Variants in DRG2 observed in about 807,000 individuals in gnomAD.
DRG2 encodes the protein developmentally-regulated GTP-binding protein 2.
In DRG2, 36 loss-of-function variants were observed where a neutral mutation model predicts 53.4. That is an observed-to-expected ratio of 0.67 (90% confidence interval 0.52 to 0.89). The LOEUF (loss-of-function observed/expected upper bound fraction) is 0.89. Among genes scored for constraint, DRG2 ranks in the 40% least tolerant of loss-of-function variants. The pLI is 0.00. For synonymous variants in DRG2, 167 were observed against 192.1 expected, an observed-to-expected ratio of 0.87 and a Z score of 1.08; for missense variants, 342 against 481.2, an observed-to-expected ratio of 0.71 and a Z score of 2.71.
chr17:18,102,265 G>A (rs1470788197), intron 9 of DRG2, among the ~76,000 whole-genome samples: 1 of 152,312 alleles, frequency 6.6e-6, no homozygotes. Context: ...GGTGGGTGAC[G>A]TCTTGTGGGC....
At chr17:18,104,927 A>G (rs2045601817) in intron 11 of DRG2, among the ~76,000 whole-genome samples, 1 of 152,190 alleles carries the variant, frequency 6.6e-6, no homozygotes, top group Non-Finnish European at 1.5e-5. Flanking sequence ...TCAGGAGGAC[A>G]CGTTGAATGA....
In DRG2 at chr17:18,099,697, G is replaced by A. The variant is rs757182096; in HGVS notation, c.441G>A (p.Leu147=). ...ARTADVIIMM[L]DATKGEVQRS... ...CGGCTGACGTCATCATCATGATGCT[G>A]GATGCCACCAAGGGAGAGGTGCAGA... Residue 147 remains leucine, a synonymous_variant, in exon 5 of 13, where the codon CTG becomes CTA. Transcript: ENST00000225729. This position sits in a 1 kb window ranked among gnomAD's most constrained non-coding sequence, Gnocchi z 4.4. The A allele has an allele frequency of 1.9e-6, 3 of 1,606,748 alleles. No homozygotes were observed. The highest frequency in any genetic ancestry group is 2.5e-6 in the Non-Finnish European group (3 of 1,177,464).
intron 9 of DRG2, among the ~76,000 whole-genome samples, chr17:18,102,392 G>T (rs939460864): frequency 2.0e-5 from 3 of 152,182 alleles, no homozygotes; most frequent in African/African-American, 7.2e-5. Context: ...GGGGGCTGTG[G>T]CGGGTGGATC....
In DRG2 at chr17:18,107,426, C is replaced by G; in HGVS notation, c.*186C>G. ...AAGAGTGTGTTGGGGCAAAGGGGCT[C>G]GGTTGGAGGCATTTCCCATAAGACT... On this transcript the variant is annotated 3_prime_UTR_variant, in exon 13 of 13. Coordinates refer to ENST00000225729, the MANE Select transcript of DRG2 (RefSeq NM_001388.5). 1.6e-6 allele frequency: 1 copy of G among 624,708 alleles called. No homozygotes were observed. The highest frequency in any genetic ancestry group is 2.7e-5 in the Admixed American group (1 of 36,802). 38.7% of individuals were successfully genotyped at this position (624,708 alleles called of 1,614,324 possible).
rs1332563142 is a variant in DRG2, at chr17:18,103,495, A to G, written c.807-306A>G. The stretch of plus-strand genomic sequence containing the variant: ...CCTAGCCTTTGCCCATGGTCCCGTC[A>G]CAGCCCCCGGCCATCTCGCCATGGC... On this transcript the variant is annotated intron_variant, in intron 9 of 12. Coordinates refer to ENST00000225729, the MANE Select transcript of DRG2 (RefSeq NM_001388.5). The surrounding 1 kb of genome is among the most constrained non-coding windows in gnomAD (Gnocchi z 4.4). Among the ~76,000 whole-genome samples the G allele has an allele frequency of 1.3e-5, 2 of 152,112 alleles. No individual in the cohort carries two copies. Among genetic ancestry groups the G allele is most frequent in the African/African-American group, 2.4e-5 (1 of 41,420 alleles).
intron 11 of DRG2, chr17:18,106,121 C>G: frequency 2.3e-6 from 1 of 428,878 alleles, no homozygotes; most frequent in Non-Finnish European, 4.4e-6. Flanking sequence ...AGCATCTGTT[C>G]AGGCAAGGCA....
At position 18,089,621 on chromosome 17, in the gene DRG2, A is replaced by G. The variant is rs2045278319; in HGVS notation, c.64+1534A>G. The stretch of plus-strand genomic sequence containing the variant: ...AGACAAACCAGGGTGATACAGCAGA[A>G]TATTGGGGGTGGGGAGGGACTGGGG... On this transcript the variant is annotated intron_variant, in intron 1 of 12. Transcript: ENST00000225729. Among the ~76,000 whole-genome samples, 4 of 152,238 alleles carry G rather than the reference A, an allele frequency of 2.6e-5. No individual in the cohort carries two copies. The South Asian group carries it at 8.3e-4, about 32-fold the overall frequency.
chr17:18,094,516 A>G (rs1024524840), intron 2 of DRG2, among the ~76,000 whole-genome samples: 2 of 152,098 alleles, frequency 1.3e-5, no homozygotes, highest in African/African-American at 2.4e-5. Flanking sequence ...AGACAGAGGG[A>G]ACAGTGAGCA....
At chr17:18,101,847 C>G (rs957224767) in intron 8 of DRG2, 74 bp from the exon 9 acceptor site, 11 of 1,494,588 alleles carry the variant, frequency 7.4e-6, no homozygotes, top group Admixed American at 3.8e-5. Flanking sequence ...GCAGCCGGCA[C>G]AGGGCGATGG....
chr17:18,101,435 C>T (rs982230280), intron 7 of DRG2, 58 bp from the exon 8 acceptor site: 31 of 1,561,176 alleles, frequency 2.0e-5, no homozygotes, highest in East Asian at 4.5e-5. Flanking sequence ...TGGGGCCCTC[C>T]GCTGATGGGG....
rs966811880 is a variant in DRG2, at chr17:18,103,226, G to A, written c.807-575G>A. ...CTCTACAGAGGTCAGGACACAGCTC[G>A]GGGTCACGGCGCAAACCTTCAAGCC... On this transcript the variant is annotated intron_variant, in intron 9 of 12. Transcript: ENST00000225729. This position sits in a 1 kb window ranked among gnomAD's most constrained non-coding sequence, Gnocchi z 4.4. Among the ~76,000 whole-genome samples, 11 of 152,112 alleles carry A rather than the reference G, an allele frequency of 7.2e-5. No individual in the cohort carries two copies.
chr17:18,089,517 G>A (rs995520300), intron 1 of DRG2, among the ~76,000 whole-genome samples: 3 of 152,148 alleles, frequency 2.0e-5, no homozygotes, highest in African/African-American at 7.2e-5. Context: ...CCAGCCCTTG[G>A]ATCTGATCTT....
In DRG2 at chr17:18,099,187, G is replaced by A. The variant is rs936991108; in HGVS notation, c.376+110G>A. On this transcript the variant is annotated intron_variant, in intron 4 of 12. Coordinates refer to ENST00000225729, the MANE Select transcript of DRG2 (RefSeq NM_001388.5). This position sits in a 1 kb window ranked among gnomAD's most constrained non-coding sequence, Gnocchi z 4.4. ...CTCTGGATCCCTGGTCCATTATCCC[G>A]CTTTCCAGAAAAGACAGGTTCCAGT... 1.3e-5 allele frequency: 19 copies of A among 1,426,500 alleles called. No homozygotes were observed. The highest frequency in any genetic ancestry group is 5.7e-5 in the Admixed American group (3 of 52,772). The allele number at this position is 1,426,500 out of a possible 1,614,324, so 88.4% of individuals were successfully genotyped here.
At chr17:18,088,504 G>C (rs1474545212) in intron 1 of DRG2, among the ~76,000 whole-genome samples, 1 of 152,234 alleles carries the variant, frequency 6.6e-6, no homozygotes, top group Non-Finnish European at 1.5e-5. Context: ...GCCCATTGGA[G>C]CAAGGGAATC....
At chr17:18,096,440 T>C (rs756402390) in intron 2 of DRG2, 1 of 152,230 alleles carries the variant, frequency 6.6e-6, no homozygotes, top group Non-Finnish European at 1.5e-5. Flanking sequence ...CCATACCATG[T>C]TCTTTTGCTG....
intron 2 of DRG2, chr17:18,097,461 G>C (rs1337229053): frequency 6.6e-6 from 1 of 152,370 alleles, no homozygotes; most frequent in African/African-American, 2.4e-5. Context: ...GGATGGGGCA[G>C]GAGGCATGGG....
rs2045667718 is a variant in DRG2 at position 18,107,678 on chromosome 17, G to A, written c.*438G>A. 5.0e-6 allele frequency: 1 copy of A among 199,588 alleles called. No individual in the cohort carries two copies. Among genetic ancestry groups the A allele is most frequent in the African/African-American group, 2.3e-5 (1 of 43,674 alleles). 12.4% of individuals were successfully genotyped at this position (199,588 alleles called of 1,614,324 possible). ...CTCTTGCCAGCTTCTCTGACACTTGGGTTGGGGGCCCTTCCAGGAGGAAAC... is the reference window on the plus strand; with the variant it reads ...CTCTTGCCAGCTTCTCTGACACTTGAGTTGGGGGCCCTTCCAGGAGGAAAC... On this transcript the variant is annotated 3_prime_UTR_variant, in exon 13 of 13. Coordinates refer to ENST00000225729, the MANE Select transcript of DRG2 (RefSeq NM_001388.5).
At chr17:18,104,092 C>A (rs2045585301) in intron 10 of DRG2, among the ~76,000 whole-genome samples, 1 of 152,192 alleles carries the variant, frequency 6.6e-6, no homozygotes. Flanking sequence ...GGGGTCCCCA[C>A]TGGCTGTAGC....
chr17:18,092,078 A>G (rs2045344169), intron 1 of DRG2: 2 of 152,096 alleles, frequency 1.3e-5, no homozygotes, highest in South Asian at 4.1e-4. Context: ...AATGATGGTA[A>G]GGAGCCAGTT....
Sources: gnomAD v4.1 joint callset for allele counts (sites outside exome capture counted in the v4.1 genomes callset) on GRCh38, gnomAD v4.1.1 for gene constraint, Gnocchi (gnomAD v3.1) non-coding constraint, MANE v1.5 for transcripts, NCBI Gene and HGNC (gene_info 2026-07-23, HGNC 2026-07-21) for gene names.